Variants in CCNH observed in about 807,000 individuals in gnomAD.
CCNH encodes the protein cyclin H.
In CCNH, 31 loss-of-function variants were observed where a neutral mutation model predicts 41.9. The observed-to-expected ratio is 0.74, with a 90% CI of 0.56 to 1.00. The LOEUF is 1.00. CCNH is among the 50% of genes least tolerant of loss of function. The pLI is 0.00. For missense variants in CCNH, 362 were observed against 388.4 expected (o/e 0.93, Z 0.57); for synonymous variants, 138 against 136.1 (o/e 1.01, Z -0.10).
intron 9 of CCNH, among the ~76,000 whole-genome samples, chr5:87,361,332 G>A (rs1443119921): frequency 6.6e-6 from 1 of 152,100 alleles, no homozygotes; most frequent in African/African-American, 2.4e-5. Flanking sequence ...TAGTAATTTT[G>A]TAGCATTAAC....
chr5:87,404,973 A>G lies in CCNH; in HGVS notation c.560T>C (p.Leu187Ser). The change falls in exon 5 of 9, where the codon TTG becomes TCG. Residue 187 changes from leucine (L) to serine (S), a missense_variant. Transcript: ENST00000256897. ...RYPILENPEI[L>S]RKTADDFLNR... ...AAGAAAGTCATCAGCTGTTTTCCTC[A>G]AAATCTCTGGATTCTCCAATATGGG... The G allele has an allele frequency of 1.9e-6, 3 of 1,613,334 alleles. No individual in the cohort carries two copies. Among genetic ancestry groups the G allele is most frequent in the Non-Finnish European group, 2.5e-6 (3 of 1,179,576 alleles).
At chr5:87,328,041 T>G (rs1477905846) in intron 9 of CCNH, among the ~76,000 whole-genome samples, 1 of 152,208 alleles carries the variant, frequency 6.6e-6, no homozygotes, top group Non-Finnish European at 1.5e-5. Flanking sequence ...GTTTTTTACA[T>G]TGGCATGGTG....
intron 9 of CCNH, among the ~76,000 whole-genome samples, chr5:87,346,986 CAT>C (rs1311050546): frequency 6.6e-6 from 1 of 151,828 alleles, no homozygotes; most frequent in African/African-American, 2.4e-5. Flanking sequence ...TTTTTTTTCC[CAT>C]ATGTTTCTAG....
chr5:87,376,962 C>T lies in CCNH; in HGVS notation n.219G>A, dbSNP rs776305383. The T allele has an allele frequency of 7.4e-6, 12 of 1,612,104 alleles. No individual in the cohort carries two copies. In the Admixed American group the frequency reaches 2.0e-4, roughly 27 times the overall value. ...AGACCGAACACTACTGGCCAGCATCCTACTGAGGATTTTTCTTCACGAAAA... is the reference window on the plus strand; with the variant it reads ...AGACCGAACACTACTGGCCAGCATCTTACTGAGGATTTTTCTTCACGAAAA... On this transcript the variant is annotated non_coding_transcript_exon_variant, in exon 1 of 1. Coordinates refer to the CCNH transcript ENST00000607486.
downstream of CCNH, chr5:87,390,667 T>C (rs543527368): frequency 1.7e-5 from 13 of 754,400 alleles, no homozygotes; most frequent in South Asian, 1.2e-4. Flanking sequence ...TAGAGACTTA[T>C]GTTTTGAGGG....
downstream of CCNH, among the ~76,000 whole-genome samples, chr5:87,373,006 A>C (rs568685927): frequency 6.6e-6 from 1 of 152,298 alleles, no homozygotes; most frequent in Admixed American, 6.5e-5. Flanking sequence ...CCATGTCTTC[A>C]TAACATTGTA....
upstream of CCNH, among the ~76,000 whole-genome samples, chr5:87,379,476 T>C (rs1580393021): frequency 6.6e-6 from 1 of 152,302 alleles, no homozygotes; most frequent in East Asian, 1.9e-4. Context: ...CAGCTTTTTT[T>C]CCCCTCAAAT....
chr5:87,395,924 T>C (rs1042570639), intron 7 of CCNH, among the ~76,000 whole-genome samples: 2 of 152,008 alleles, frequency 1.3e-5, no homozygotes, highest in East Asian at 1.9e-4. Context: ...TGGAAAAAAG[T>C]TGTGAAAAAC....
intron 6 of CCNH, among the ~76,000 whole-genome samples, chr5:87,401,412 A>G (rs1234800882): frequency 6.6e-6 from 1 of 152,188 alleles, no homozygotes; most frequent in Non-Finnish European, 1.5e-5. Context: ...AGTGCCTAGT[A>G]TGTTTCTTTA....
At chr5:87,368,368 A>G (rs1262341201) in intron 9 of CCNH, among the ~76,000 whole-genome samples, 2 of 152,118 alleles carry the variant, frequency 1.3e-5, no homozygotes, top group African/African-American at 4.8e-5. Flanking sequence ...CATTTTAATT[A>G]TAATTACTTG....
intron 9 of CCNH, among the ~76,000 whole-genome samples, chr5:87,330,467 T>C (rs981370896): frequency 6.6e-6 from 1 of 152,194 alleles, no homozygotes; most frequent in South Asian, 2.1e-4. Context: ...AGGCTGTAAG[T>C]ATCTAAGGAT....
chr5:87,383,499 C>T (rs945225969), intron 9 of CCNH, among the ~76,000 whole-genome samples: 1 of 152,078 alleles, frequency 6.6e-6, no homozygotes, highest in Non-Finnish European at 1.5e-5. Flanking sequence ...GTGAGTAATA[C>T]ATTCAAGAAG....
upstream of CCNH, among the ~76,000 whole-genome samples, chr5:87,379,443 C>T (rs1246523601): frequency 6.6e-6 from 1 of 152,064 alleles, no homozygotes; most frequent in Non-Finnish European, 1.5e-5. Context: ...ATTAAATAAG[C>T]CTCATTCAGA....
chr5:87,312,491 A>G, the CCNH span, among the ~76,000 whole-genome samples: 1 of 152,242 alleles, frequency 6.6e-6, no homozygotes, highest in East Asian at 1.9e-4. Flanking sequence ...AATTTCTAAT[A>G]CAGTAAATAT....
intron 7 of CCNH, 26 bp from the exon 8 acceptor site, chr5:87,395,130 C>A (rs373095867): frequency 1.9e-6 from 3 of 1,591,096 alleles, no homozygotes; most frequent in African/African-American, 1.4e-5. Flanking sequence ...TATCAATAAG[C>A]AATCCAATAC....
At chr5:87,339,620 T>C (rs1758293132) in intron 9 of CCNH, among the ~76,000 whole-genome samples, 1 of 152,070 alleles carries the variant, frequency 6.6e-6, no homozygotes, top group African/African-American at 2.4e-5. Context: ...TTACTCAATG[T>C]ATACAGAAAA....
downstream of CCNH, among the ~76,000 whole-genome samples, chr5:87,386,672 AG>A (rs1762082443): frequency 1.3e-5 from 2 of 152,098 alleles, no homozygotes; most frequent in Non-Finnish European, 1.5e-5. Flanking sequence ...CTAATTTATA[AG>A]AAGTATTGCT....
At chr5:87,391,426 A>G (rs183575968), downstream of CCNH, 17 of 244,634 alleles carry the variant, frequency 6.9e-5, no homozygotes, top group East Asian at 9.3e-4. Context: ...TCTTTGCTGT[A>G]TACTTTTAAA....
At chr5:87,362,519 A>G (rs765887551) in intron 9 of CCNH, 70 of 1,564,188 alleles carry the variant, frequency 4.5e-5, no homozygotes, top group Non-Finnish European at 5.8e-5. Flanking sequence ...TCAAGAATGT[A>G]TGAAATAATT....
Sources: gnomAD v4.1 joint callset for allele counts (sites outside exome capture counted in the v4.1 genomes callset) on GRCh38, gnomAD v4.1.1 for gene constraint, MANE v1.5 for transcripts, NCBI Gene and HGNC (gene_info 2026-07-23, HGNC 2026-07-21) for gene names.